The following GMFB variants were observed in gnomAD, a reference collection of about 807,000 sequenced individuals.
GMFB encodes the protein GMF-beta.
Under a neutral mutation model 25.6 loss-of-function variants are expected in GMFB, and 13 were observed. The observed-to-expected ratio is 0.51, with a 90% CI of 0.33 to 0.81. The LOEUF is 0.81. GMFB is among the 30% of genes least tolerant of loss of function. The pLI is 0.02. For synonymous variants in GMFB, 57 were observed against 56.9 expected, an observed-to-expected ratio of 1.00 and a Z score of 0.00; for missense variants, 146 against 175.4, an observed-to-expected ratio of 0.83 and a Z score of 0.95.
chr14:54,481,992 A>G, intron 3 of GMFB, 161 bp downstream of exon 3: 2 of 588,052 alleles, frequency 3.4e-6, no homozygotes, highest in African/African-American at 1.9e-5. Context: ...TTAAATTAGC[A>G]ATATCACAAA....
In GMFB at chr14:54,476,592, C is replaced by T. The variant is rs1296036299; in HGVS notation, c.*1496G>A. 1 of 152,032 alleles carries T rather than the reference C, an allele frequency of 6.6e-6. No individual in the cohort carries two copies. The highest frequency in any genetic ancestry group is 2.4e-5 in the African/African-American group (1 of 41,434). The allele number at this position is 152,032 out of a possible 1,614,324, so 9.4% of individuals were successfully genotyped here. Reference sequence around the variant, plus strand: ...CTCATCTCCAACTTTCTATTGCTTCCTGACTTCTAAATTAGTGAAGCCAAA... The same window carrying T: ...CTCATCTCCAACTTTCTATTGCTTCTTGACTTCTAAATTAGTGAAGCCAAA... On this transcript the variant is annotated 3_prime_UTR_variant, in exon 7 of 7. Coordinates refer to ENST00000358056, the MANE Select transcript of GMFB (RefSeq NM_004124.3).
In GMFB at chr14:54,477,375, T is replaced by A. The variant is rs140252707; in HGVS notation, c.*713A>T. Reference sequence around the variant, plus strand: ...TAAATAAAGTGTTATTAACCTAGATTCAAAACTGTCTAGAAATGACATAAA... The same window carrying A: ...TAAATAAAGTGTTATTAACCTAGATACAAAACTGTCTAGAAATGACATAAA... On this transcript the variant is annotated 3_prime_UTR_variant, in exon 7 of 7. Coordinates refer to ENST00000358056, the MANE Select transcript of GMFB (RefSeq NM_004124.3). 6.6e-6 allele frequency: 1 copy of A among 152,392 alleles called. No homozygotes were observed. 9.4% of individuals were successfully genotyped at this position (152,392 alleles called of 1,614,324 possible).
intron 2 of GMFB, chr14:54,483,270 A>ACACACAGTGACATAATG (rs1317467954): frequency 6.3e-6 from 1 of 157,570 alleles, no homozygotes; most frequent in Non-Finnish European, 1.4e-5. Context: ...TAATGCCCAA[A>ACACACAGTGACATAATG]GTCACTATGT....
Position 54,474,708 on chromosome 14 carries a change from A to T in GMFB, c.*3380T>A, listed in dbSNP as rs369926027. On this transcript the variant is annotated 3_prime_UTR_variant, in exon 7 of 7. Coordinates refer to ENST00000358056, the MANE Select transcript of GMFB (RefSeq NM_004124.3). ...GAATGAGATTATCTTGGACCATCTA[A>T]ATCAGTGGGAACTGCCCTGGCATGT... 3.9e-5 allele frequency: 6 copies of T among 152,648 alleles called. No individual in the cohort carries two copies. The South Asian group carries it at 6.2e-4, about 16-fold the overall frequency. 9.5% of individuals were successfully genotyped at this position (152,648 alleles called of 1,614,324 possible). A position where few individuals can be genotyped will look rare whatever the true frequency, so the allele number is the denominator to read the frequency against.
At position 54,478,121 on chromosome 14, in the gene GMFB, T is replaced by C; in HGVS notation, c.396A>G (p.Glu132=). The C allele has an allele frequency of 6.8e-7, 1 of 1,472,628 alleles. No individual in the cohort carries two copies. Among genetic ancestry groups the C allele is most frequent in the Non-Finnish European group, 9.2e-7 (1 of 1,090,510 alleles). The allele number at this position is 1,472,628 out of a possible 1,614,324, so 91.2% of individuals were successfully genotyped here. The change falls in exon 7 of 7, where the codon GAA becomes GAG. Residue 132 remains glutamate, a synonymous_variant. Transcript: ENST00000358056. ...EIRNTEDLTE[E]WLREKLGFFH ...AAAATCCAAGTTTCTCACGTAACCA[T>C]TCTTCAGTTAGGTCTTCGGTATTTC...
chr14:54,480,455 T>G (rs997063998), intron 5 of GMFB: 1 of 159,014 alleles, frequency 6.3e-6, no homozygotes, highest in Non-Finnish European at 1.4e-5. Context: ...CAATGTAAAT[T>G]ACTCTAGGAC....
At chr14:54,483,489 C>T (rs2031740927) in intron 2 of GMFB, 182 bp downstream of exon 2, 2 of 578,362 alleles carry the variant, frequency 3.5e-6, no homozygotes, top group African/African-American at 3.8e-5. Flanking sequence ...GGACAATCCA[C>T]CTCTGTTCTG....
chr14:54,484,471 C>A (rs1437564800), intron 1 of GMFB, among the ~76,000 whole-genome samples: 2 of 152,020 alleles, frequency 1.3e-5, no homozygotes, highest in Non-Finnish European at 2.9e-5. Flanking sequence ...TGGACACACA[C>A]AATCTACCAA....
At chr14:54,481,626 T>C (rs370069272) in intron 3 of GMFB, among the ~76,000 whole-genome samples, 168 bp from the exon 4 acceptor site, 13 of 152,216 alleles carry the variant, frequency 8.5e-5, no homozygotes, top group African/African-American at 3.1e-4. Flanking sequence ...AAATTCTCAA[T>C]CCAATCAAAG....
chr14:54,487,907 C>A (rs1350862922), intron 1 of GMFB, among the ~76,000 whole-genome samples: 2 of 152,116 alleles, frequency 1.3e-5, no homozygotes, highest in African/African-American at 4.8e-5. Context: ...GGAGAATAGT[C>A]TGAAAGGGAA....
In GMFB at chr14:54,475,816, T is replaced by G. The variant is rs1212153341; in HGVS notation, c.*2272A>C. 6.6e-6 allele frequency: 1 copy of G among 152,330 alleles called. No homozygotes were observed. Among genetic ancestry groups the G allele is most frequent in the East Asian group, 1.9e-4 (1 of 5,194 alleles). 9.4% of individuals were successfully genotyped at this position (152,330 alleles called of 1,614,324 possible). ...GAAAAAAGTTGCTGCTAAAAAGGAC[T>G]CAGATTTAAGGCTGAATGGGAATGG... On this transcript the variant is annotated 3_prime_UTR_variant, in exon 7 of 7. Coordinates refer to ENST00000358056, the MANE Select transcript of GMFB (RefSeq NM_004124.3).
intron 1 of GMFB, 176 bp downstream of exon 1, chr14:54,488,749 G>A: frequency 3.8e-6 from 2 of 529,888 alleles, no homozygotes; most frequent in Non-Finnish European, 6.5e-6. Context: ...CTGAGGCGTG[G>A]TGGCGGCGGC....
At chr14:54,478,981 TC>T (rs2031675703) in intron 6 of GMFB, 1 of 152,120 alleles carries the variant, frequency 6.6e-6, no homozygotes, top group Non-Finnish European at 1.5e-5. Flanking sequence ...AACTCCAGTG[TC>T]CCTGTGTTAC....
At position 54,479,847 on chromosome 14, in the gene GMFB, T is replaced by A; in HGVS notation, c.296A>T (p.Glu99Val). 1 of 1,598,838 alleles carries A rather than the reference T, an allele frequency of 6.3e-7. No homozygotes were observed. The highest frequency in any genetic ancestry group is 8.6e-7 in the Non-Finnish European group (1 of 1,166,518). The change falls in exon 6 of 7, where the codon GAA becomes GTA. Residue 99 changes from glutamate to valine, a missense_variant. Transcript: ENST00000358056. The part of the protein sequence containing the change: ...IFSSPVGCKP[E>V]QQMMYAGSKN... ...ACTTCCAGCATACATCATCTGTTGT[T>A]CAGGCTTACATCCTGGAAAAGAGAG...
In GMFB at chr14:54,478,093, G is replaced by GA. The variant is rs1407488028; in HGVS notation, c.423dup (p.His142SerfsTer4). The GA allele has an allele frequency of 2.9e-6, 4 of 1,394,722 alleles. No homozygotes were observed. The highest frequency in any genetic ancestry group is 2.4e-5 in the East Asian group (1 of 41,714). The allele number at this position is 1,394,722 out of a possible 1,614,324, so 86.4% of individuals were successfully genotyped here. A position where few individuals can be genotyped will look rare whatever the true frequency, so the allele number is the denominator to read the frequency against. The stretch of plus-strand genomic sequence containing the variant: ...TAGAAACACAGAAGTTCACATTAGT[G>GA]AAAAAATCCAAGTTTCTCACGTAAC... On this transcript the variant is annotated frameshift_variant, in exon 7 of 7. Coordinates refer to ENST00000358056, the MANE Select transcript of GMFB (RefSeq NM_004124.3). LOFTEE classifies it high-confidence loss of function.
rs773225455 is a variant in GMFB at position 54,478,046 on chromosome 14, T to C, written c.*42A>G. Reference sequence around the variant, plus strand: ...GTATTTATGTCTGATTCCAGTATGGTCAGGTTAATACATAAATACTTTAGA... The same window carrying C: ...GTATTTATGTCTGATTCCAGTATGGCCAGGTTAATACATAAATACTTTAGA... On this transcript the variant is annotated 3_prime_UTR_variant, in exon 7 of 7. Coordinates refer to ENST00000358056, the MANE Select transcript of GMFB (RefSeq NM_004124.3). 7.4e-6 allele frequency: 6 copies of C among 810,344 alleles called. No individual in the cohort carries two copies. In the South Asian group the frequency reaches 9.0e-5, roughly 12 times the overall value. 50.2% of individuals were successfully genotyped at this position (810,344 alleles called of 1,614,324 possible). A position where few individuals can be genotyped will look rare whatever the true frequency, so the allele number is the denominator to read the frequency against.
Position 54,478,128 on chromosome 14 carries a change from G to T in GMFB, c.389C>A (p.Thr130Asn). 5 of 1,418,752 alleles carry T rather than the reference G, an allele frequency of 3.5e-6. No homozygotes were observed. The highest frequency in any genetic ancestry group is 1.4e-5 in the South Asian group (1 of 70,264). The allele number at this position is 1,418,752 out of a possible 1,614,324, so 87.9% of individuals were successfully genotyped here. Residue 130 changes from threonine to asparagine, a missense_variant, in exon 7 of 7, where the codon ACT (threonine) becomes AAT (asparagine). Physicochemically the swap from Thr to Asn is moderately conservative, Grantham distance 65 (BLOSUM62 0). Transcript: ENST00000358056. ...AAGTTTCTCACGTAACCATTCTTCA[G>T]TTAGGTCTTCGGTATTTCTTATTTC... ...VFEIRNTEDLTEEWLREKLGF... is the reference protein window; with the variant it reads ...VFEIRNTEDLNEEWLREKLGF...
At chr14:54,481,793 T>C (rs1250778671) in intron 3 of GMFB, among the ~76,000 whole-genome samples, 4 of 152,088 alleles carry the variant, frequency 2.6e-5, no homozygotes, top group East Asian at 1.9e-4. Flanking sequence ...GAAAAAAGAA[T>C]TGAATTCTTT....
At position 54,480,879 on chromosome 14, in the gene GMFB, G is replaced by C; in HGVS notation, c.278C>G (p.Pro93Arg). Residue 93 changes from proline to arginine, a missense_variant, in exon 5 of 7, where the codon CCT becomes CGT. By Grantham distance (103) the Pro-to-Arg change is moderately radical. Coordinates refer to ENST00000358056, the MANE Select transcript of GMFB (RefSeq NM_004124.3). ...ATTTAAAGAAATTCACTTACCAACA[G>C]GACTGGAGAAAATAAAGCACAGAGG... ...SYPLCFIFSS[P>R]VGCKPEQQMM... 2.0e-6 allele frequency: 3 copies of C among 1,472,236 alleles called. No individual in the cohort carries two copies. The highest frequency in any genetic ancestry group is 2.8e-6 in the Non-Finnish European group (3 of 1,059,092). The allele number at this position is 1,472,236 out of a possible 1,614,324, so 91.2% of individuals were successfully genotyped here.
Sources: allele counts gnomAD v4.1 joint callset (sites outside exome capture counted in the v4.1 genomes callset), GRCh38; gene constraint gnomAD v4.1.1; transcripts MANE v1.5; gene names NCBI Gene and HGNC (gene_info 2026-07-23, HGNC 2026-07-21).